FSTL1: variants seen among roughly 807,000 people sequenced by gnomAD.
FSTL1 encodes the protein follistatin-related protein 1.
FSTL1 carries 24 observed loss-of-function variants against 45.9 expected under a neutral mutation model. That is an observed-to-expected ratio of 0.52 (90% CI 0.38 to 0.74). The LOEUF (loss-of-function observed/expected upper bound fraction) is 0.74, where lower values mean the gene tolerates loss of function less well. Among genes scored for constraint, FSTL1 ranks in the 30% least tolerant of loss-of-function variants. The pLI, the probability that FSTL1 is intolerant of heterozygous loss-of-function variation, is 0.00. For synonymous variants in FSTL1, 120 were observed against 137.6 expected (o/e 0.87, Z 0.89); for missense variants, 340 against 381.8 (o/e 0.89, Z 0.91).
chr3:120,436,928 GCCA>G (rs1238525528), intron 2 of FSTL1, among the ~76,000 whole-genome samples: 1 of 152,098 alleles, frequency 6.6e-6, no homozygotes, highest in Non-Finnish European at 1.5e-5. Flanking sequence ...GCTCGGCTGG[GCCA>G]CCAAGAAGCC....
chr3:120,412,678 G>T (rs935995700), intron 3 of FSTL1, among the ~76,000 whole-genome samples: 1 of 152,162 alleles, frequency 6.6e-6, no homozygotes, highest in Admixed American at 6.5e-5. Context: ...TGAATTCTCT[G>T]TCACTTTGGA....
chr3:120,396,578 G>A lies in FSTL1; in HGVS notation c.*374C>T, dbSNP rs776421716. The A allele has an allele frequency of 9.0e-5, 17 of 188,062 alleles. No homozygotes were observed. The highest frequency in any genetic ancestry group is 1.5e-4 in the Non-Finnish European group (14 of 91,158). 11.6% of individuals were successfully genotyped at this position (188,062 alleles called of 1,614,324 possible). A position where few individuals can be genotyped will look rare whatever the true frequency, so the allele number is the denominator to read the frequency against. ...GAGCTTCCCAAACCTCTCCTCCGGG[G>A]ACACCCTGCTAAGTTCTCTCTGGCA... On this transcript the variant is annotated 3_prime_UTR_variant, in exon 11 of 11. Transcript: ENST00000295633.
At chr3:120,442,476 G>A (rs1471696517) in intron 2 of FSTL1, among the ~76,000 whole-genome samples, 2 of 152,160 alleles carry the variant, frequency 1.3e-5, no homozygotes, top group African/African-American at 4.8e-5. Context: ...TTGTTACAGA[G>A]TCTATGAAAA....
At chr3:120,437,765 A>T (rs1937586347) in intron 2 of FSTL1, among the ~76,000 whole-genome samples, 1 of 152,220 alleles carries the variant, frequency 6.6e-6, no homozygotes, top group Non-Finnish European at 1.5e-5. Flanking sequence ...CAATAGCACG[A>T]TTTAGCACAT....
intron 7 of FSTL1, among the ~76,000 whole-genome samples, chr3:120,404,463 T>A (rs1936907641): frequency 6.6e-6 from 1 of 152,244 alleles, no homozygotes; most frequent in African/African-American, 2.4e-5. Flanking sequence ...GAAATAGCAC[T>A]AATTATCTAA....
chr3:120,435,031 C>G (rs551314757), intron 2 of FSTL1, among the ~76,000 whole-genome samples: 2 of 152,234 alleles, frequency 1.3e-5, no homozygotes, highest in East Asian at 1.9e-4. Context: ...CCAGCCTGGC[C>G]AACATGGTGA....
In FSTL1 at chr3:120,404,994, G is replaced by A. The variant is rs557810477; in HGVS notation, c.463-23C>T. ...GTTCTAGAAAGGGCATGACAAGATC[G>A]TTCAGGGATGTTTTGCAGAACCCCT... On this transcript the variant is annotated intron_variant, in intron 6 of 10. Coordinates refer to ENST00000295633, the MANE Select transcript of FSTL1 (RefSeq NM_007085.5). The A allele has an allele frequency of 2.3e-5, 27 of 1,197,722 alleles. No homozygotes were observed. In the East Asian group the frequency reaches 3.5e-4, roughly 15 times the overall value. The allele number at this position is 1,197,722 out of a possible 1,614,324, so 74.2% of individuals were successfully genotyped here. A position where few individuals can be genotyped will look rare whatever the true frequency, so the allele number is the denominator to read the frequency against.
intron 2 of FSTL1, among the ~76,000 whole-genome samples, chr3:120,446,863 C>T (rs1937754612): frequency 6.6e-6 from 1 of 152,130 alleles, no homozygotes; most frequent in Admixed American, 6.6e-5. Context: ...TGTAGAATTG[C>T]TATTGTTCTC....
chr3:120,418,814 C>A (rs1446527740), intron 2 of FSTL1, among the ~76,000 whole-genome samples: 2 of 152,136 alleles, frequency 1.3e-5, no homozygotes, highest in African/African-American at 2.4e-5. Context: ...GTACTGCAGG[C>A]AGCACAGTGC....
At chr3:120,397,229 C>T (rs1449448255) in intron 10 of FSTL1, among the ~76,000 whole-genome samples, 1 of 152,106 alleles carries the variant, frequency 6.6e-6, no homozygotes, top group Non-Finnish European at 1.5e-5. Context: ...CATTTGGACT[C>T]CTATGAAACA....
chr3:120,438,451 T>C (rs1177767581), intron 2 of FSTL1: 2 of 152,248 alleles, frequency 1.3e-5, no homozygotes, highest in Non-Finnish European at 2.9e-5. Flanking sequence ...CTGTTTATAT[T>C]CCACTCACTA....
intron 6 of FSTL1, among the ~76,000 whole-genome samples, chr3:120,406,734 A>G (rs547339899): frequency 6.6e-6 from 1 of 152,330 alleles, no homozygotes; most frequent in Admixed American, 6.5e-5. Context: ...ACCATGAACC[A>G]ACCTAATTTA....
At chr3:120,447,936 C>A (rs531860767) in intron 2 of FSTL1, among the ~76,000 whole-genome samples, 1 of 152,190 alleles carries the variant, frequency 6.6e-6, no homozygotes, top group African/African-American at 2.4e-5. Context: ...CAGGCATGAG[C>A]CACTGAGCCC....
chr3:120,422,624 G>C (rs1937299749), intron 2 of FSTL1, among the ~76,000 whole-genome samples: 2 of 152,160 alleles, frequency 1.3e-5, no homozygotes, highest in Non-Finnish European at 2.9e-5. Flanking sequence ...ATGACATCCA[G>C]ATAAGAGATA....
chr3:120,432,499 C>G (rs1243617743), intron 2 of FSTL1, among the ~76,000 whole-genome samples: 3 of 152,118 alleles, frequency 2.0e-5, no homozygotes, highest in African/African-American at 7.2e-5. Context: ...GACCCTCAAG[C>G]TGTACACAAT....
chr3:120,414,305 T>C (rs13088020), intron 3 of FSTL1, among the ~76,000 whole-genome samples: 51,245 of 150,916 alleles, frequency 0.34, 9,073 homozygotes, highest in Admixed American at 0.38. Context: ...GAAGCGTCTC[T>C]GCCCGGCCGC....
intron 5 of FSTL1, 54 bp downstream of exon 5, chr3:120,410,898 C>A: frequency 4.3e-6 from 6 of 1,382,928 alleles, no homozygotes; most frequent in Non-Finnish European, 6.2e-6. Context: ...AAATTTCTAT[C>A]ATGAAAAGAA....
intron 2 of FSTL1, among the ~76,000 whole-genome samples, chr3:120,443,425 C>A (rs1256150732): frequency 6.7e-6 from 1 of 149,936 alleles, no homozygotes; most frequent in African/African-American, 2.5e-5. Context: ...AACTGACTAG[C>A]ATAATGCCTG....
At chr3:120,415,455 A>G (rs1937171055) in intron 3 of FSTL1, among the ~76,000 whole-genome samples, 1 of 152,246 alleles carries the variant, frequency 6.6e-6, no homozygotes. Flanking sequence ...AAAGAATACA[A>G]ACTGTATATA....
Sources: gnomAD v4.1 joint callset for allele counts (sites outside exome capture counted in the v4.1 genomes callset) on GRCh38, gnomAD v4.1.1 for gene constraint, MANE v1.5 for transcripts, NCBI Gene and HGNC (gene_info 2026-07-23, HGNC 2026-07-21) for gene names.